Variants in ASZ1 observed in about 807,000 individuals in gnomAD.
ASZ1 encodes ankyrin repeat, SAM and basic leucine zipper domain containing 1.
A neutral mutation model predicts 61.8 loss-of-function variants in ASZ1; 67 were observed. The ratio of observed to expected loss-of-function variants is 1.08; its 90% CI spans 0.89 to 1.33. ASZ1 has a LOEUF of 1.33. ASZ1 is among the 40% of genes most tolerant of loss of function. ASZ1 has a pLI of 0.00. For synonymous variants in ASZ1, 193 were observed against 192.7 expected (o/e 1.00, Z -0.01); for missense variants, 577 against 554.5 (o/e 1.04, Z -0.41).
At chr7:117,378,798 G>A (rs1346809878) in intron 10 of ASZ1, among the ~76,000 whole-genome samples, 1 of 151,814 alleles carries the variant, frequency 6.6e-6, no homozygotes, top group Non-Finnish European at 1.5e-5. Flanking sequence ...ATGGATAAAT[G>A]GTTAAACAAA....
intron 1 of ASZ1, 147 bp from the exon 2 acceptor site, chr7:117,427,082 C>G: frequency 1.0e-6 from 1 of 987,932 alleles, no homozygotes. Flanking sequence ...GAATTCGTGT[C>G]GAAAATTATC....
intron 10 of ASZ1, among the ~76,000 whole-genome samples, chr7:117,371,567 C>A (rs1050334288): frequency 6.6e-6 from 1 of 152,094 alleles, no homozygotes; most frequent in Non-Finnish European, 1.5e-5. Context: ...CTGATCTTTA[C>A]TCTAGAAAAC....
At chr7:117,402,902 A>T (rs891352748) in intron 4 of ASZ1, among the ~76,000 whole-genome samples, 2 of 152,126 alleles carry the variant, frequency 1.3e-5, no homozygotes, top group Non-Finnish European at 2.9e-5. Context: ...CAAGGTGGGG[A>T]CTAGCAACCT....
intron 2 of ASZ1, among the ~76,000 whole-genome samples, chr7:117,424,321 G>C (rs554945082): frequency 9.2e-5 from 14 of 152,198 alleles, no homozygotes; most frequent in African/African-American, 2.9e-4. Flanking sequence ...GAACAATAAT[G>C]ACTTTGAAAG....
intron 4 of ASZ1, among the ~76,000 whole-genome samples, chr7:117,402,426 T>A (rs529588865): frequency 1.3e-5 from 2 of 152,288 alleles, no homozygotes; most frequent in Middle Eastern, 3.4e-3. Context: ...ATATTTAGCA[T>A]TGAGTTGTTG....
At chr7:117,397,687 A>G (rs187190551) in intron 4 of ASZ1, among the ~76,000 whole-genome samples, 43 of 152,348 alleles carry the variant, frequency 2.8e-4, no homozygotes, top group Non-Finnish European at 5.4e-4. Context: ...GGCAGAGAAC[A>G]TAAGGCCAAT....
Position 117,403,877 on chromosome 7 carries a change from A to T in ASZ1, c.440+16286T>A. On this transcript the variant is annotated intron_variant, in intron 4 of 12. Coordinates refer to ENST00000284629, the MANE Select transcript of ASZ1 (RefSeq NM_130768.3). Reference sequence around the variant, plus strand: ...TCTGAGCTCCACTTCCCATCAGATCAGTGGTGGCATTAGATTCTCATAGGA... The same window carrying T: ...TCTGAGCTCCACTTCCCATCAGATCTGTGGTGGCATTAGATTCTCATAGGA... 1.3e-5 allele frequency among the ~76,000 whole-genome samples: 2 copies of T among 152,190 alleles called. 1 individual carries two copies. Among genetic ancestry groups the T allele is most frequent in the Admixed American group, 1.3e-4 (2 of 15,290 alleles).
chr7:117,388,334 A>G (rs188170994), intron 4 of ASZ1, among the ~76,000 whole-genome samples: 27 of 152,230 alleles, frequency 1.8e-4, no homozygotes, highest in African/African-American at 5.8e-4. Flanking sequence ...TTATACCAAA[A>G]CCAGAGGGTG....
chr7:117,363,865 T>A, intron 12 of ASZ1, 117 bp from the exon 13 acceptor site: 1 of 835,190 alleles, frequency 1.2e-6, no homozygotes, highest in Non-Finnish European at 1.6e-6. Context: ...GATTTAGATG[T>A]AGGCAACTCA....
Position 117,423,818 on chromosome 7 carries a change from T to A in ASZ1, c.206-1459A>T, listed in dbSNP as rs1403207606. Reference sequence around the variant, plus strand: ...CAGAGCTTGCAGTGAGCCAAGATCATGCCACTGCACTCCAGCCTGGGCGAC... The same window carrying A: ...CAGAGCTTGCAGTGAGCCAAGATCAAGCCACTGCACTCCAGCCTGGGCGAC... On this transcript the variant is annotated intron_variant, in intron 2 of 12. Transcript: ENST00000284629. 2.0e-5 allele frequency among the ~76,000 whole-genome samples: 3 copies of A among 149,680 alleles called. No individual in the cohort carries two copies. The East Asian group carries it at 5.9e-4, about 29-fold the overall frequency.
intron 4 of ASZ1, among the ~76,000 whole-genome samples, chr7:117,407,813 GA>G (rs892627897): frequency 1.3e-5 from 2 of 152,180 alleles, no homozygotes; most frequent in African/African-American, 4.8e-5. Context: ...CAATACATTA[GA>G]AGGAGGATCA....
intron 10 of ASZ1, among the ~76,000 whole-genome samples, chr7:117,373,195 T>C (rs1562845590): frequency 6.6e-6 from 1 of 152,104 alleles, no homozygotes; most frequent in East Asian, 1.9e-4. Context: ...TTATTTCTGT[T>C]CAAAATATCT....
At chr7:117,408,645 T>A (rs928245415) in intron 4 of ASZ1, among the ~76,000 whole-genome samples, 1 of 152,150 alleles carries the variant, frequency 6.6e-6, no homozygotes, top group Non-Finnish European at 1.5e-5. Flanking sequence ...AAACAAACTT[T>A]AATATATCCA....
chr7:117,382,437 A>G (rs1796272962), intron 7 of ASZ1, among the ~76,000 whole-genome samples: 2 of 152,102 alleles, frequency 1.3e-5, no homozygotes, highest in South Asian at 4.1e-4. Context: ...ATACACCTGC[A>G]GTCCCAGCTA....
chr7:117,406,483 G>T lies in ASZ1; in HGVS notation c.440+13680C>A, dbSNP rs562736487. On this transcript the variant is annotated intron_variant, in intron 4 of 12. Coordinates refer to ENST00000284629, the MANE Select transcript of ASZ1 (RefSeq NM_130768.3). ...AATAATAAATTGTGAGGTTTAAATAGAGATAGATTTCTATAATCCCAGCAC... is the reference window on the plus strand; with the variant it reads ...AATAATAAATTGTGAGGTTTAAATATAGATAGATTTCTATAATCCCAGCAC... Among the ~76,000 whole-genome samples, 4 of 152,322 alleles carry T rather than the reference G, an allele frequency of 2.6e-5. No individual in the cohort carries two copies. The South Asian group carries it at 8.3e-4, about 32-fold the overall frequency.
In ASZ1 at chr7:117,427,493, C is replaced by A; in HGVS notation, c.-33G>T. On this transcript the variant is annotated 5_prime_UTR_variant, in exon 1 of 13. Coordinates refer to ENST00000284629, the MANE Select transcript of ASZ1 (RefSeq NM_130768.3). The stretch of plus-strand genomic sequence containing the variant: ...AAGGAAGCTCCCTGTCGGCACCGCG[C>A]GCCCTTCAGCTCTCCGGGCGCATGC... The A allele has an allele frequency of 3.7e-6, 6 of 1,607,104 alleles. No individual in the cohort carries two copies. The Middle Eastern group carries it at 8.3e-4, about 221-fold the overall frequency.
At chr7:117,379,049 G>GTA (rs1375293414) in intron 10 of ASZ1, among the ~76,000 whole-genome samples, 2 of 150,044 alleles carry the variant, frequency 1.3e-5, no homozygotes, top group Non-Finnish European at 3.0e-5. Context: ...GTTAGATGTG[G>GTA]CTATAAAGGG....
At chr7:117,426,775 T>C in intron 2 of ASZ1, 61 bp downstream of exon 2, 1 of 1,401,796 alleles carries the variant, frequency 7.1e-7, no homozygotes, top group Non-Finnish European at 9.8e-7. Flanking sequence ...CTTTTAAAAA[T>C]AAAGAATCCT....
intron 11 of ASZ1, chr7:117,368,367 C>A: frequency 8.6e-7 from 1 of 1,159,172 alleles, no homozygotes; most frequent in Non-Finnish European, 1.1e-6. Flanking sequence ...AAATTCAATA[C>A]ACGGATCAGT....
Sources: gnomAD v4.1 joint callset for allele counts (sites outside exome capture counted in the v4.1 genomes callset) on GRCh38, gnomAD v4.1.1 for gene constraint, MANE v1.5 for transcripts, NCBI Gene and HGNC (gene_info 2026-07-23, HGNC 2026-07-21) for gene names.